MAST4: variants seen among roughly 807,000 people sequenced by gnomAD.
The protein encoded by MAST4 is microtubule associated serine/threonine kinase family member 4.
A neutral mutation model predicts 162.7 loss-of-function variants in MAST4; 89 were observed. The ratio of observed to expected loss-of-function variants is 0.55; its 90% CI spans 0.46 to 0.65. The LOEUF (loss-of-function observed/expected upper bound fraction) is 0.65. MAST4 is among the 30% of genes least tolerant of loss of function. The pLI, the probability that MAST4 is intolerant of heterozygous loss-of-function variation, is 0.00. For missense variants in MAST4, 3,153 were observed against 3,374.0 expected, an observed-to-expected ratio of 0.93 and a Z score of 1.62; for synonymous variants, 1,479 against 1,361.1, an observed-to-expected ratio of 1.09 and a Z score of -1.91.
rs75787292 is a variant in MAST4, at chr5:66,887,290, G to A, written c.643-12661G>A. Among the ~76,000 whole-genome samples the A allele has an allele frequency of 3.2e-4, 48 of 152,270 alleles. No individual in the cohort carries two copies. In the East Asian group the frequency reaches 6.9e-3, roughly 22 times the overall value. The stretch of plus-strand genomic sequence containing the variant: ...CTCATAGAACCTAAACCTGATTTAA[G>A]AACATTTGTTCATTTTCTTTGGATA... On this transcript the variant is annotated intron_variant, in intron 3 of 28. Transcript: ENST00000403625.
chr5:66,603,679 T>G (rs1742692408), intron 1 of MAST4, among the ~76,000 whole-genome samples: 1 of 152,232 alleles, frequency 6.6e-6, no homozygotes, highest in Non-Finnish European at 1.5e-5. Flanking sequence ...TTTGTCTCCT[T>G]GGAACAGTAT....
intron 1 of MAST4, among the ~76,000 whole-genome samples, chr5:66,614,932 T>C (rs1163271237): frequency 6.6e-6 from 1 of 152,154 alleles, no homozygotes; most frequent in East Asian, 1.9e-4. Context: ...TGTGGCAAAA[T>C]AATCTTTTTT....
intron 3 of MAST4, among the ~76,000 whole-genome samples, chr5:66,829,182 T>A (rs570364090): frequency 2.0e-5 from 3 of 151,950 alleles, no homozygotes; most frequent in African/African-American, 7.2e-5. Context: ...GATGCACTGA[T>A]CTGGCATGCC....
intron 1 of MAST4, among the ~76,000 whole-genome samples, chr5:66,661,441 G>A (rs1746903991): frequency 6.6e-6 from 1 of 152,198 alleles, no homozygotes; most frequent in Non-Finnish European, 1.5e-5. Context: ...GGCCAGAACT[G>A]TTTTGTGGCT....
rs530576186 is a variant in MAST4 at position 66,635,946 on chromosome 5, G to GTTTTT, written c.363+38953_363+38957dup. Reference sequence around the variant, plus strand: ...AAAATCACTGCATAAGATAGAGACTGTTTTTTTTTTTTTTTTTTTTTTTTT... The same window carrying GTTTTT: ...AAAATCACTGCATAAGATAGAGACTGTTTTTTTTTTTTTTTTTTTTTTTTTTTTTT... On this transcript the variant is annotated intron_variant, in intron 1 of 28. Transcript: ENST00000403625. 6.3e-4 allele frequency among the ~76,000 whole-genome samples: 26 copies of GTTTTT among 41,302 alleles called. 8 individuals are homozygous for GTTTTT. The highest frequency in any genetic ancestry group is 1.8e-3 in the East Asian group (2 of 1,118). 27.1% of individuals were successfully genotyped at this position (41,302 alleles called of 152,430 possible).
intron 3 of MAST4, among the ~76,000 whole-genome samples, chr5:66,881,529 C>T (rs1340867823): frequency 6.6e-6 from 1 of 152,186 alleles, no homozygotes; most frequent in Non-Finnish European, 1.5e-5. Flanking sequence ...GTGACAGCCC[C>T]ACCTCTCCTA....
At chr5:66,810,674 C>A (rs1433188895) in intron 3 of MAST4, among the ~76,000 whole-genome samples, 1 of 152,202 alleles carries the variant, frequency 6.6e-6, no homozygotes, top group Non-Finnish European at 1.5e-5. Flanking sequence ...GGCTGCCTGC[C>A]TTCTTCTCCA....
chr5:67,054,857 T>C (rs1758608112), intron 5 of MAST4, among the ~76,000 whole-genome samples: 1 of 152,226 alleles, frequency 6.6e-6, no homozygotes, highest in African/African-American at 2.4e-5. Context: ...TATTTCTCCC[T>C]AAAATTGAAC....
chr5:67,071,329 C>G (rs1197912922), intron 5 of MAST4, among the ~76,000 whole-genome samples: 1 of 152,162 alleles, frequency 6.6e-6, no homozygotes, highest in East Asian at 1.9e-4. Context: ...CCTTTCACTG[C>G]TAGATAATGA....
At chr5:67,078,930 AT>A (rs1211481121) in intron 5 of MAST4, among the ~76,000 whole-genome samples, 145 of 62,834 alleles carry the variant, frequency 2.3e-3, no homozygotes, top group South Asian at 4.3e-3. Context: ...ATATATATAT[AT>A]ATATATATAT....
intron 3 of MAST4, among the ~76,000 whole-genome samples, chr5:66,796,342 A>G (rs549651591): frequency 2.0e-5 from 3 of 152,354 alleles, no homozygotes; most frequent in East Asian, 3.9e-4. Context: ...TATTTTTCCT[A>G]AAATGAAATT....
intron 3 of MAST4, among the ~76,000 whole-genome samples, chr5:66,808,236 A>G (rs1416626401): frequency 6.6e-6 from 1 of 152,206 alleles, no homozygotes; most frequent in Non-Finnish European, 1.5e-5. Context: ...AGTTTTTTAC[A>G]GGACTGCTCA....
Position 66,762,880 on chromosome 5 carries a change from T to C in MAST4, c.517+3018T>C, listed in dbSNP as rs558458167. Among the ~76,000 whole-genome samples the C allele has an allele frequency of 6.6e-5, 10 of 152,386 alleles. No individual in the cohort carries two copies. In the South Asian group the frequency reaches 1.9e-3, roughly 28 times the overall value. ...ACCAATTATCCTTGATAAGGTTCAC[T>C]AAACTTTTAGCTTTTTGAAAGGAAG... On this transcript the variant is annotated intron_variant, in intron 2 of 28. Transcript: ENST00000403625.
Position 67,104,437 on chromosome 5 carries a change from A to G in MAST4, c.1218A>G (p.Leu406=), listed in dbSNP as rs375836039. 3.1e-6 allele frequency: 5 copies of G among 1,613,856 alleles called. No homozygotes were observed. Among genetic ancestry groups the G allele is most frequent in the Non-Finnish European group, 4.2e-6 (5 of 1,179,856 alleles). ...TSYSPDNVLP[L]ADGVLSFTHH... is the part of the protein sequence containing the mutation. ...ACTCTCCTGACAACGTTCTACCCTT[A>G]GCAGATGGAGTGCTTAGTTTCACTC... Residue 406 remains leucine, a synonymous_variant, in exon 10 of 29, where the codon TTA becomes TTG. Transcript: ENST00000403625.
chr5:66,913,685 G>T (rs1200303532), intron 4 of MAST4, among the ~76,000 whole-genome samples: 1 of 152,142 alleles, frequency 6.6e-6, no homozygotes, highest in East Asian at 1.9e-4. Flanking sequence ...AAATGCTTTT[G>T]GTATTGGAGC....
chr5:66,776,443 C>A (rs1754606140), intron 2 of MAST4, among the ~76,000 whole-genome samples: 2 of 152,128 alleles, frequency 1.3e-5, no homozygotes, highest in Admixed American at 1.3e-4. Context: ...TGAAAATAGA[C>A]ATTATATTGT....
At chr5:67,065,991 A>G (rs1760184402) in intron 5 of MAST4, among the ~76,000 whole-genome samples, 2 of 152,242 alleles carry the variant, frequency 1.3e-5, no homozygotes, top group South Asian at 4.2e-4. Flanking sequence ...GCCCATCAAC[A>G]CTCTGCACTG....
At position 66,837,913 on chromosome 5, in the gene MAST4, T is replaced by A. The variant is rs1262608963; in HGVS notation, c.642+49119T>A. On this transcript the variant is annotated intron_variant, in intron 3 of 28. Coordinates refer to ENST00000403625, the MANE Select transcript of MAST4 (RefSeq NM_001164664.2). ...ATATATATTTTTTTTTTTTTTTTTT[T>A]TTTTAATGTGGAGGTGTTTGGAAGG... is the stretch of plus-strand genomic sequence containing the variant. 6.3e-4 allele frequency among the ~76,000 whole-genome samples: 75 copies of A among 119,506 alleles called. 2 individuals are homozygous for A. Among genetic ancestry groups the A allele is most frequent in the African/African-American group, 2.1e-3 (72 of 33,776 alleles). 78.4% of individuals were successfully genotyped at this position (119,506 alleles called of 152,430 possible).
rs757879205 is a variant in MAST4 at position 67,164,616 on chromosome 5, C to A, written c.5437C>A (p.Pro1813Thr). 6 of 1,613,874 alleles carry A rather than the reference C, an allele frequency of 3.7e-6. No homozygotes were observed. Among genetic ancestry groups the A allele is most frequent in the Non-Finnish European group, 5.1e-6 (6 of 1,179,898 alleles). ...GTLDIALLSG[P>T]QASKTELPSP... is the part of the protein sequence containing the mutation. The stretch of plus-strand genomic sequence containing the variant: ...TCTGGACATTGCTCTCCTGTCCGGA[C>A]CTCAGGCCTCCAAGACAGAACTGCC... The change falls in exon 29 of 29, where the codon CCT becomes ACT. Residue 1813 changes from proline to threonine, a missense_variant. Pro to Thr is a conservative substitution (Grantham distance 38, BLOSUM62 -1). Coordinates refer to ENST00000403625, the MANE Select transcript of MAST4 (RefSeq NM_001164664.2). The surrounding 1 kb of genome is among the most constrained non-coding windows in gnomAD (Gnocchi z 5.3).
Sources: gnomAD v4.1 joint callset for allele counts (sites outside exome capture counted in the v4.1 genomes callset) on GRCh38, gnomAD v4.1.1 for gene constraint, Gnocchi (gnomAD v3.1) non-coding constraint, MANE v1.5 for transcripts, NCBI Gene and HGNC (gene_info 2026-07-23, HGNC 2026-07-21) for gene names.